Variants in UBR3 observed in about 807,000 individuals in gnomAD.
UBR3 encodes ubiquitin protein ligase E3 component n-recognin 3, also known as E3 ubiquitin-protein ligase UBR3.
A neutral mutation model predicts 243.2 loss-of-function variants in UBR3; 85 were observed. The ratio of observed to expected loss-of-function variants is 0.35; its 90% CI spans 0.29 to 0.42. The LOEUF (loss-of-function observed/expected upper bound fraction) is 0.42, where lower values mean the gene tolerates loss of function less well. UBR3 is among the 10% of genes least tolerant of loss of function. The pLI is 1.00. For synonymous variants in UBR3, 748 were observed against 799.8 expected (o/e 0.94, Z 1.09); for missense variants, 1,686 against 2,300.8 (o/e 0.73, Z 5.47).
At chr2:169,842,030 C>G (rs1488410942) in intron 1 of UBR3, among the ~76,000 whole-genome samples, 1 of 152,242 alleles carries the variant, frequency 6.6e-6, no homozygotes, top group East Asian at 1.9e-4. Flanking sequence ...GTCTTTATAT[C>G]TAGCTCAGGG....
chr2:169,873,692 A>C (rs1400938800), intron 2 of UBR3, among the ~76,000 whole-genome samples: 20 of 151,912 alleles, frequency 1.3e-4, no homozygotes, highest in Non-Finnish European at 7.4e-5. Flanking sequence ...ACCGCCCCCC[A>C]AAAAAAAGAA....
intron 1 of UBR3, among the ~76,000 whole-genome samples, chr2:169,837,231 C>G (rs778903739): frequency 1.3e-5 from 2 of 152,246 alleles, no homozygotes; most frequent in Non-Finnish European, 2.9e-5. Flanking sequence ...AATCCCAGCA[C>G]TTTGGGAAGC....
intron 25 of UBR3, among the ~76,000 whole-genome samples, chr2:169,993,869 C>G (rs1413236486): frequency 1.3e-5 from 2 of 152,132 alleles, no homozygotes; most frequent in African/African-American, 4.8e-5. Context: ...TAAATCTGCT[C>G]CCTCAGTGTT....
Position 170,082,812 on chromosome 2 carries a change from T to C in UBR3, c.*969T>C, listed in dbSNP as rs917496802. 2 of 152,222 alleles carry C rather than the reference T, an allele frequency of 1.3e-5. No individual in the cohort carries two copies. Among genetic ancestry groups the C allele is most frequent in the Admixed American group, 6.5e-5 (1 of 15,268 alleles). The allele number at this position is 152,222 out of a possible 1,614,324, so 9.4% of individuals were successfully genotyped here. ...TCAGCTATATTGTATTTGTGCAGTG[T>C]AATCACTACTATTTCTGCTCGGTTT... On this transcript the variant is annotated 3_prime_UTR_variant, in exon 39 of 39. Coordinates refer to ENST00000272793, the MANE Select transcript of UBR3 (RefSeq NM_172070.4).
intron 32 of UBR3, among the ~76,000 whole-genome samples, chr2:170,050,372 T>G (rs2091189622): frequency 6.6e-6 from 1 of 152,188 alleles, no homozygotes; most frequent in Non-Finnish European, 1.5e-5. Flanking sequence ...TGGAATAGTA[T>G]TTTTACAAAA....
chr2:170,018,735 C>T (rs2090313229), intron 30 of UBR3, among the ~76,000 whole-genome samples: 1 of 152,058 alleles, frequency 6.6e-6, no homozygotes, highest in South Asian at 2.1e-4. Flanking sequence ...GTTACAAATT[C>T]GTATATACAG....
chr2:169,954,407 A>G (rs2087177620), intron 23 of UBR3, among the ~76,000 whole-genome samples: 1 of 151,410 alleles, frequency 6.6e-6, no homozygotes, highest in Non-Finnish European at 1.5e-5. Context: ...TGCCTGGCTA[A>G]TTTTTAAAAA....
intron 1 of UBR3, among the ~76,000 whole-genome samples, chr2:169,870,797 G>T (rs1359266919): frequency 1.3e-5 from 2 of 151,936 alleles, no homozygotes; most frequent in Admixed American, 1.3e-4. Flanking sequence ...GGGACTACAG[G>T]CATGTGCCAC....
At chr2:170,004,992 G>A (rs539389647) in intron 27 of UBR3, among the ~76,000 whole-genome samples, 52 of 152,220 alleles carry the variant, frequency 3.4e-4, no homozygotes, top group African/African-American at 1.0e-3. Flanking sequence ...GGGAGGCCGA[G>A]GCGGATGGAT....
chr2:169,847,015 G>A (rs1489489360), intron 1 of UBR3, among the ~76,000 whole-genome samples: 4 of 151,930 alleles, frequency 2.6e-5, no homozygotes, highest in Admixed American at 2.6e-4. Context: ...TGGGATTATA[G>A]GCGTGAGCTA....
chr2:169,953,821 AGAAGTATGGCAAAACTTACAG>A (rs974928023), intron 23 of UBR3, among the ~76,000 whole-genome samples: 1 of 152,242 alleles, frequency 6.6e-6, no homozygotes, highest in African/African-American at 2.4e-5. Context: ...CATTAATTAA[AGAAGTATGGCAAAACTTACAG>A]ATTTACGAAC....
chr2:169,847,073 C>A (rs1400328184), intron 1 of UBR3, among the ~76,000 whole-genome samples: 1 of 140,032 alleles, frequency 7.1e-6, no homozygotes, highest in African/African-American at 2.7e-5. Context: ...GGTGTCTTTT[C>A]TTAAACTGTG....
At chr2:170,057,056 T>C (rs888960097) in intron 33 of UBR3, among the ~76,000 whole-genome samples, 1 of 152,176 alleles carries the variant, frequency 6.6e-6, no homozygotes, top group African/African-American at 2.4e-5. Flanking sequence ...AAAGATTTTT[T>C]CCCCCTTGTT....
intron 24 of UBR3, among the ~76,000 whole-genome samples, chr2:169,962,314 A>T (rs2087616261): frequency 6.6e-6 from 1 of 152,036 alleles, no homozygotes; most frequent in African/African-American, 2.4e-5. Flanking sequence ...CCTTAAAGCA[A>T]TCCTTCTGCC....
At chr2:169,963,917 T>G (rs1425662568) in intron 24 of UBR3, among the ~76,000 whole-genome samples, 3 of 152,190 alleles carry the variant, frequency 2.0e-5, no homozygotes, top group African/African-American at 7.2e-5. Context: ...TCTTGCTTTC[T>G]CTCTACTAAA....
chr2:169,890,124 A>G (rs964025155), intron 5 of UBR3, among the ~76,000 whole-genome samples: 1 of 152,104 alleles, frequency 6.6e-6, no homozygotes, highest in African/African-American at 2.4e-5. Context: ...TTAGCTGGAG[A>G]GGAAAAAACT....
Position 169,877,623 on chromosome 2 carries a change from C to T in UBR3, c.974C>T (p.Ser325Phe). 1.9e-6 allele frequency: 3 copies of T among 1,542,764 alleles called. No individual in the cohort carries two copies. The highest frequency in any genetic ancestry group is 2.5e-5 in the South Asian group (2 of 81,250). Residue 325 changes from serine to phenylalanine, a missense_variant, in exon 4 of 39, where the codon TCT (serine) becomes TTT (phenylalanine). Physicochemically the swap from Ser to Phe is radical, Grantham distance 155. Coordinates refer to ENST00000272793, the MANE Select transcript of UBR3 (RefSeq NM_172070.4). ...CAGGAGCCATCTGCTGGTACTAGTT[C>T]TCTGGCTGTTCAAGGTTTGTCTAAA... ...GVQEPSAGTS[S>F]LAVQGFIGAT...
chr2:169,911,912 T>C (rs2085268156), intron 10 of UBR3, among the ~76,000 whole-genome samples: 2 of 152,126 alleles, frequency 1.3e-5, no homozygotes, highest in Non-Finnish European at 2.9e-5. Context: ...TAAAGACAAA[T>C]CTCATATAGC....
intron 1 of UBR3, among the ~76,000 whole-genome samples, chr2:169,844,188 G>A (rs1172552900): frequency 2.6e-5 from 4 of 151,766 alleles, no homozygotes; most frequent in Admixed American, 6.6e-5. Context: ...TGTATTTTTA[G>A]TAGAGATAGG....
Sources: allele counts gnomAD v4.1 joint callset (sites outside exome capture counted in the v4.1 genomes callset), GRCh38; gene constraint gnomAD v4.1.1; transcripts MANE v1.5; gene names NCBI Gene and HGNC (gene_info 2026-07-23, HGNC 2026-07-21).